TRPM3: variants seen among roughly 807,000 people sequenced by gnomAD.
TRPM3 encodes the protein long transient receptor potential channel 3.
TRPM3 carries 77 observed loss-of-function variants against 181.2 expected under a neutral mutation model. The observed-to-expected ratio is 0.42, with a 90% CI of 0.35 to 0.51. The LOEUF (loss-of-function observed/expected upper bound fraction) is 0.51. Among genes scored for constraint, TRPM3 ranks in the 20% least tolerant of loss-of-function variants. The pLI, the probability that TRPM3 is intolerant of heterozygous loss-of-function variation, is 0.01. For synonymous variants in TRPM3, 745 were observed against 796.4 expected, an observed-to-expected ratio of 0.94 and a Z score of 1.09; for missense variants, 1,759 against 2,196.7, an observed-to-expected ratio of 0.80 and a Z score of 3.98.
At chr9:71,249,871 G>A (rs183990357) in intron 1 of TRPM3, among the ~76,000 whole-genome samples, 1 of 152,140 alleles carries the variant, frequency 6.6e-6, no homozygotes, top group Non-Finnish European at 1.5e-5. Flanking sequence ...TGAAAACAAC[G>A]GAGAGATGCC....
chr9:71,145,167 G>C (rs2075335362), intron 1 of TRPM3, among the ~76,000 whole-genome samples: 1 of 152,118 alleles, frequency 6.6e-6, no homozygotes, highest in African/African-American at 2.4e-5. Context: ...GAAGAGCAAA[G>C]AGTCAACGGT....
chr9:70,599,520 C>T (rs73649181), intron 20 of TRPM3, among the ~76,000 whole-genome samples: 2,776 of 152,254 alleles, frequency 0.018, 82 homozygotes, highest in African/African-American at 0.061. Context: ...CCTCATTTCA[C>T]GTCCCATCAT....
intron 1 of TRPM3, among the ~76,000 whole-genome samples, chr9:71,017,256 G>T (rs967309843): frequency 6.6e-6 from 1 of 151,726 alleles, no homozygotes; most frequent in South Asian, 2.1e-4. Flanking sequence ...ATAAAAGAGG[G>T]CAAGAAAGGA....
At chr9:71,041,660 G>A (rs577283109) in intron 1 of TRPM3, among the ~76,000 whole-genome samples, 24 of 152,102 alleles carry the variant, frequency 1.6e-4, no homozygotes, top group South Asian at 2.1e-4. Context: ...TTTAGTTGGC[G>A]ACCTTAGGTT....
chr9:70,631,696 G>A lies in TRPM3; in HGVS notation c.1632+3515C>T, dbSNP rs967540667. ...TGCATGAAAATAGTTCAGGGAACTG[G>A]GTTGGTTTAAAACAATTTAAATTTC... is the stretch of plus-strand genomic sequence containing the variant. On this transcript the variant is annotated intron_variant, in intron 12 of 25. Coordinates refer to ENST00000677713, the MANE Select transcript of TRPM3 (RefSeq NM_001366145.2). 4.6e-5 allele frequency among the ~76,000 whole-genome samples: 7 copies of A among 152,116 alleles called. No individual in the cohort carries two copies. In the South Asian group the frequency reaches 1.5e-3, roughly 32 times the overall value.
At chr9:70,974,623 G>A (rs73468171) in intron 1 of TRPM3, among the ~76,000 whole-genome samples, 8,979 of 151,952 alleles carry the variant, frequency 0.059, 312 homozygotes, top group South Asian at 0.1. Context: ...TAGCTACTCA[G>A]GAGGATGAGG....
chr9:71,009,951 G>C (rs954928739), intron 1 of TRPM3, among the ~76,000 whole-genome samples: 2 of 152,068 alleles, frequency 1.3e-5, no homozygotes, highest in African/African-American at 4.8e-5. Context: ...ACTGATTTTT[G>C]ACAAAGGTGC....
chr9:70,669,602 C>T (rs986320653), intron 9 of TRPM3, among the ~76,000 whole-genome samples: 2 of 152,196 alleles, frequency 1.3e-5, no homozygotes, highest in Admixed American at 6.5e-5. Context: ...AAATATCCTG[C>T]AAACCTGCTT....
Position 70,780,659 on chromosome 9 carries a change from C to A in TRPM3, c.1148+3446G>T, listed in dbSNP as rs117114542. On this transcript the variant is annotated intron_variant, in intron 7 of 25. Transcript: ENST00000677713. ...CAAGCTAAATAAACATGATTAAATT[C>A]TTGAAGTTATTCAGGTGGCACAGAG... Among the ~76,000 whole-genome samples the A allele has an allele frequency of 3.0e-3, 460 of 152,080 alleles. 15 individuals carry two copies. In the East Asian group the frequency reaches 0.08, roughly 26 times the overall value.
At chr9:70,854,308 C>T (rs1241558597) in intron 3 of TRPM3, among the ~76,000 whole-genome samples, 1 of 152,186 alleles carries the variant, frequency 6.6e-6, no homozygotes, top group African/African-American at 2.4e-5. Flanking sequence ...CAGCATGATA[C>T]TTGAGTGTCA....
chr9:70,822,828 T>G (rs1365543960), intron 6 of TRPM3, among the ~76,000 whole-genome samples: 1 of 151,882 alleles, frequency 6.6e-6, no homozygotes, highest in Non-Finnish European at 1.5e-5. Context: ...TATTTGGGTC[T>G]GTGCCTCTCT....
chr9:71,161,477 T>G (rs2076269352), intron 1 of TRPM3, among the ~76,000 whole-genome samples: 1 of 152,154 alleles, frequency 6.6e-6, no homozygotes, highest in Admixed American at 6.5e-5. Flanking sequence ...TCCAAGAAGA[T>G]TAAGAAACAT....
chr9:70,663,638 T>C (rs1564755439), intron 9 of TRPM3, among the ~76,000 whole-genome samples: 4 of 152,242 alleles, frequency 2.6e-5, no homozygotes, highest in Non-Finnish European at 5.9e-5. Context: ...TTTAAGATTG[T>C]TTTACACATC....
rs143346963 is a variant in TRPM3, at chr9:71,365,307, G to A, written c.183+81346C>T. On this transcript the variant is annotated intron_variant, in intron 1 of 24. Coordinates refer to the TRPM3 transcript ENST00000357533. ...CTTCCCACTAAGAAAACCCCAGGCT[G>A]CATGTAAAGATTATAATGAAAAATT... 3.0e-4 allele frequency among the ~76,000 whole-genome samples: 45 copies of A among 152,222 alleles called. No individual in the cohort carries two copies. In the East Asian group the frequency reaches 7.5e-3, roughly 25 times the overall value.
intron 9 of TRPM3, among the ~76,000 whole-genome samples, chr9:70,670,158 G>A (rs998024723): frequency 6.6e-6 from 1 of 152,102 alleles, no homozygotes; most frequent in African/African-American, 2.4e-5. Context: ...GTTGGAAGAT[G>A]GGGTTTGATC....
intron 22 of TRPM3, among the ~76,000 whole-genome samples, chr9:70,565,252 C>A (rs561342219): frequency 6.6e-6 from 1 of 152,272 alleles, no homozygotes; most frequent in African/African-American, 2.4e-5. Flanking sequence ...AGTTAAAATA[C>A]AACAAATAAA....
intron 1 of TRPM3, among the ~76,000 whole-genome samples, chr9:71,367,844 A>G (rs1271792264): frequency 6.6e-6 from 1 of 152,208 alleles, no homozygotes; most frequent in Non-Finnish European, 1.5e-5. Context: ...CTGGACAGGC[A>G]TATGTTGCTT....
intron 6 of TRPM3, among the ~76,000 whole-genome samples, chr9:70,791,086 AT>A (rs2085275966): frequency 6.6e-6 from 1 of 152,192 alleles, no homozygotes; most frequent in African/African-American, 2.4e-5. Flanking sequence ...TAGAGTTAGG[AT>A]AAATTATTCA....
intron 21 of TRPM3, 55 bp downstream of exon 21, chr9:70,598,364 T>TATCA: frequency 6.3e-7 from 1 of 1,591,620 alleles, no homozygotes; most frequent in Non-Finnish European, 8.6e-7. Context: ...CTCTATCTAT[T>TATCA]ATCACCATTC....
Sources: allele counts gnomAD v4.1 joint callset (sites outside exome capture counted in the v4.1 genomes callset), GRCh38; gene constraint gnomAD v4.1.1; transcripts MANE v1.5; gene names NCBI Gene and HGNC (gene_info 2026-07-23, HGNC 2026-07-21).